Variants in MBD5 observed in about 807,000 individuals in gnomAD.
MBD5 encodes methyl-CpG binding domain protein 5, also known as methyl-CpG-binding domain protein 5.
Under a neutral mutation model 117.3 loss-of-function variants are expected in MBD5, and 13 were observed. That is an observed-to-expected ratio of 0.11 (90% confidence interval 0.07 to 0.18). The LOEUF (loss-of-function observed/expected upper bound fraction) is 0.18. Among genes scored for constraint, MBD5 ranks in the 10% least tolerant of loss-of-function variants. The probability of loss-of-function intolerance (pLI) is 1.00; values close to 1 mark genes in which losing one functional copy is unlikely to be tolerated. For missense variants in MBD5, 1,879 were observed against 2,093.8 expected, an observed-to-expected ratio of 0.90 and a Z score of 2.00; for synonymous variants, 727 against 766.4, an observed-to-expected ratio of 0.95 and a Z score of 0.85.
At chr2:148,095,356 A>T (rs530114604) in intron 1 of MBD5, among the ~76,000 whole-genome samples, 1 of 152,168 alleles carries the variant, frequency 6.6e-6, no homozygotes, top group Non-Finnish European at 1.5e-5. Flanking sequence ...ATTAGATATT[A>T]TAGGAAATAA....
chr2:148,183,528 A>AG (rs1191773492), intron 2 of MBD5, among the ~76,000 whole-genome samples: 1 of 151,952 alleles, frequency 6.6e-6, no homozygotes, highest in East Asian at 1.9e-4. Flanking sequence ...TTACTAAAAA[A>AG]AAAATTGGAT....
intron 1 of MBD5, among the ~76,000 whole-genome samples, chr2:148,072,930 A>G (rs1218263802): frequency 6.6e-6 from 1 of 152,112 alleles, no homozygotes; most frequent in Non-Finnish European, 1.5e-5. Flanking sequence ...GTTCTGGAGT[A>G]CCTATATCCA....
At chr2:148,349,093 T>G (rs1703188913) in intron 4 of MBD5, among the ~76,000 whole-genome samples, 1 of 151,958 alleles carries the variant, frequency 6.6e-6, no homozygotes, top group Non-Finnish European at 1.5e-5. Flanking sequence ...TGAGATTTTA[T>G]GTTTTATCAA....
At chr2:148,450,796 A>G (rs953358314) in intron 4 of MBD5, among the ~76,000 whole-genome samples, 2 of 152,152 alleles carry the variant, frequency 1.3e-5, no homozygotes, top group Admixed American at 1.3e-4. Flanking sequence ...GTGGCAGCCT[A>G]CCACACTTAG....
At chr2:148,311,189 C>G (rs191826449) in intron 3 of MBD5, among the ~76,000 whole-genome samples, 1 of 152,230 alleles carries the variant, frequency 6.6e-6, no homozygotes, top group Non-Finnish European at 1.5e-5. Context: ...GAGTTCAAGT[C>G]CTGAATATCC....
At chr2:148,105,972 A>T (rs1488763668) in intron 1 of MBD5, among the ~76,000 whole-genome samples, 3 of 152,152 alleles carry the variant, frequency 2.0e-5, no homozygotes, top group Non-Finnish European at 4.4e-5. Context: ...TTCTAACTTA[A>T]TCTCATTATT....
At chr2:148,397,105 T>C (rs1390480521) in intron 4 of MBD5, among the ~76,000 whole-genome samples, 1 of 152,158 alleles carries the variant, frequency 6.6e-6, no homozygotes, top group African/African-American at 2.4e-5. Context: ...ATACCTTTTC[T>C]CTCTTTTCAC....
At chr2:148,426,391 A>G (rs1705787468) in intron 4 of MBD5, among the ~76,000 whole-genome samples, 1 of 152,080 alleles carries the variant, frequency 6.6e-6, no homozygotes, top group South Asian at 2.1e-4. Context: ...ACACTACCTG[A>G]CTTCAAACTA....
chr2:148,321,744 T>C (rs1245116719), intron 3 of MBD5, among the ~76,000 whole-genome samples: 1 of 152,152 alleles, frequency 6.6e-6, no homozygotes, highest in Non-Finnish European at 1.5e-5. Context: ...TCTATTTCTA[T>C]ATATTAAAAT....
chr2:148,294,509 T>TTTTTGTTTTTGTTTTTTTTTGTTTG (rs1701597189), intron 3 of MBD5, among the ~76,000 whole-genome samples: 1 of 129,984 alleles, frequency 7.7e-6, no homozygotes, highest in Non-Finnish European at 1.6e-5. Flanking sequence ...CAGTTTTTTT[T>TTTTTGTTTTTGTTTTTTTTTGTTTG]TTTTTTTTTT....
chr2:148,427,513 A>C (rs575395032), intron 4 of MBD5, among the ~76,000 whole-genome samples: 1 of 152,294 alleles, frequency 6.6e-6, no homozygotes, highest in African/African-American at 2.4e-5. Flanking sequence ...GCTGGAAACC[A>C]TCATTCTCAG....
intron 4 of MBD5, among the ~76,000 whole-genome samples, chr2:148,414,025 G>A (rs1368079985): frequency 6.6e-6 from 1 of 151,552 alleles, no homozygotes; most frequent in Non-Finnish European, 1.5e-5. Flanking sequence ...AGTTGGTTTG[G>A]TGTTGTTTTT....
At chr2:148,274,402 C>T (rs75951590) in intron 3 of MBD5, among the ~76,000 whole-genome samples, 17,039 of 151,446 alleles carry the variant, frequency 0.11, 1,274 homozygotes, top group Non-Finnish European at 0.17. Context: ...TGACAGGCCC[C>T]GGTCACACAT....
intron 1 of MBD5, among the ~76,000 whole-genome samples, chr2:148,116,428 A>C (rs774178423): frequency 6.6e-6 from 1 of 152,152 alleles, no homozygotes; most frequent in Non-Finnish European, 1.5e-5. Context: ...TGCCAACAAC[A>C]AACATGTGAA....
chr2:148,383,164 G>A (rs1344178483), intron 4 of MBD5, among the ~76,000 whole-genome samples: 2 of 152,110 alleles, frequency 1.3e-5, no homozygotes, highest in Non-Finnish European at 2.9e-5. Context: ...AGTGAATCCA[G>A]GAGCTGTTTT....
chr2:148,222,626 A>G (rs1699718223), intron 2 of MBD5, among the ~76,000 whole-genome samples: 1 of 151,812 alleles, frequency 6.6e-6, no homozygotes, highest in Non-Finnish European at 1.5e-5. Flanking sequence ...ACTTTACTAA[A>G]TTTGTTTATC....
intron 2 of MBD5, among the ~76,000 whole-genome samples, chr2:148,227,913 T>G (rs1699876381): frequency 6.6e-6 from 1 of 152,198 alleles, no homozygotes; most frequent in Non-Finnish European, 1.5e-5. Flanking sequence ...TGGCTCTCTG[T>G]CTGTTATTGG....
At chr2:148,335,792 G>A (rs1042329877) in intron 3 of MBD5, among the ~76,000 whole-genome samples, 1 of 152,112 alleles carries the variant, frequency 6.6e-6, no homozygotes, top group African/African-American at 2.4e-5. Flanking sequence ...CACCCACCAT[G>A]AGCCAGACAA....
chr2:148,409,622 G>T (rs774441503), intron 4 of MBD5, among the ~76,000 whole-genome samples: 29 of 151,994 alleles, frequency 1.9e-4, no homozygotes, highest in Non-Finnish European at 3.1e-4. Flanking sequence ...ATAAGTAGAC[G>T]CTCACTACAT....
Sources: allele counts gnomAD v4.1 joint callset (sites outside exome capture counted in the v4.1 genomes callset), GRCh38; gene constraint gnomAD v4.1.1; transcripts MANE v1.5; gene names NCBI Gene and HGNC (gene_info 2026-07-23, HGNC 2026-07-21).